The following TBXAS1 variants were observed in gnomAD, a reference collection of about 807,000 sequenced individuals.
The protein encoded by TBXAS1 is thromboxane A synthase 1, also known as thromboxane-A synthase.
TBXAS1 carries 48 observed loss-of-function variants against 60.7 expected under a neutral mutation model. The ratio of observed to expected loss-of-function variants is 0.79; its 90% CI spans 0.63 to 1.01. TBXAS1 has a LOEUF of 1.01. Ranked by LOEUF, TBXAS1 falls within the 50% of genes least tolerant of loss-of-function variation. The pLI, the probability that TBXAS1 is intolerant of heterozygous loss-of-function variation, is 0.00. For synonymous variants in TBXAS1, 287 were observed against 269.7 expected, an observed-to-expected ratio of 1.06 and a Z score of -0.63; for missense variants, 685 against 686.3, an observed-to-expected ratio of 1.00 and a Z score of 0.02.
At chr7:139,965,642 A>G (rs1019853070) in intron 9 of TBXAS1, among the ~76,000 whole-genome samples, 1 of 152,130 alleles carries the variant, frequency 6.6e-6, no homozygotes, top group Non-Finnish European at 1.5e-5. Flanking sequence ...CTTCCAAGAA[A>G]AAAAATCAGG....
intron 5 of TBXAS1, among the ~76,000 whole-genome samples, chr7:139,952,176 C>G (rs376273271): frequency 1.3e-5 from 2 of 152,130 alleles, no homozygotes; most frequent in African/African-American, 4.8e-5. Flanking sequence ...CAGATTTTGC[C>G]TCAGTACAAC....
intron 4 of TBXAS1, among the ~76,000 whole-genome samples, chr7:139,797,818 C>G (rs1435339580): frequency 6.6e-6 from 1 of 152,204 alleles, no homozygotes; most frequent in African/African-American, 2.4e-5. Context: ...GCCACACTGC[C>G]CTCAGAGTGA....
rs1295103690 is a variant in TBXAS1, at chr7:139,962,366, T to G, written c.1134+133T>G. On this transcript the variant is annotated intron_variant, in intron 9 of 12. Transcript: ENST00000448866. The stretch of plus-strand genomic sequence containing the variant: ...AGCTTATAAGATGAAATAGGGTCAT[T>G]GCTTGGCTTCTCCTGCTCTCCGGGT... 4 of 1,133,582 alleles carry G rather than the reference T, an allele frequency of 3.5e-6. No homozygotes were observed. In the East Asian group the frequency reaches 1.0e-4, roughly 29 times the overall value. 70.2% of individuals were successfully genotyped at this position (1,133,582 alleles called of 1,614,324 possible).
rs529148069 is a variant in TBXAS1 at position 139,894,714 on chromosome 7, G to C, written c.237-16511G>C. 5.9e-5 allele frequency among the ~76,000 whole-genome samples: 9 copies of C among 152,222 alleles called. No homozygotes were observed. The South Asian group carries it at 1.9e-3, about 32-fold the overall frequency. On this transcript the variant is annotated intron_variant, in intron 3 of 12. Coordinates refer to ENST00000448866, the MANE Select transcript of TBXAS1 (RefSeq NM_001061.7). Reference sequence around the variant, plus strand: ...CTTTTGCCCTTTCCCACACTCTTTGGGGGTCTATGTCCATGTCTTCCAATG... The same window carrying C: ...CTTTTGCCCTTTCCCACACTCTTTGCGGGTCTATGTCCATGTCTTCCAATG...
At chr7:139,804,715 A>T (rs1797800909) in intron 4 of TBXAS1, among the ~76,000 whole-genome samples, 2 of 152,330 alleles carry the variant, frequency 1.3e-5, no homozygotes, top group African/African-American at 4.8e-5. Flanking sequence ...ATGGTTCTAT[A>T]AACGGCAGTT....
Position 139,779,117 on chromosome 7 carries a change from T to A in TBXAS1, c.-318+646T>A, listed in dbSNP as rs1445116688. ...GTACTGGACCATGATGTCAATTTTATTTCCGTCTGTGAATCGTGGGTTTAA... is the reference window on the plus strand; with the variant it reads ...GTACTGGACCATGATGTCAATTTTAATTCCGTCTGTGAATCGTGGGTTTAA... On this transcript the variant is annotated intron_variant, in intron 1 of 16. Coordinates refer to the TBXAS1 transcript ENST00000336425. Among the ~76,000 whole-genome samples the A allele has an allele frequency of 2.0e-5, 3 of 152,372 alleles. No homozygotes were observed. The East Asian group carries it at 5.8e-4, about 29-fold the overall frequency.
At chr7:139,814,261 A>G (rs529131740) in intron 4 of TBXAS1, among the ~76,000 whole-genome samples, 1 of 152,356 alleles carries the variant, frequency 6.6e-6, no homozygotes, top group African/African-American at 2.4e-5. Context: ...AGTGTGGAGT[A>G]CATGGTTCCA....
At chr7:139,829,234 ACT>A (rs935958121), upstream of TBXAS1, 3 of 718,468 alleles carry the variant, frequency 4.2e-6, no homozygotes, top group African/African-American at 5.2e-5. Context: ...ATAGGGAGAC[ACT>A]CTGAGAAAGA....
intron 9 of TBXAS1, among the ~76,000 whole-genome samples, chr7:139,995,560 C>A (rs991795035): frequency 1.3e-5 from 2 of 152,152 alleles, no homozygotes; most frequent in Non-Finnish European, 2.9e-5. Context: ...GTGTGGCTCT[C>A]CTGTTGATGA....
At position 139,964,273 on chromosome 7, in the gene TBXAS1, C is replaced by T. The variant is rs950291757; in HGVS notation, c.1134+2040C>T. Among the ~76,000 whole-genome samples, 13 of 152,124 alleles carry T rather than the reference C, an allele frequency of 8.5e-5. No homozygotes were observed. The East Asian group carries it at 1.2e-3, about 14-fold the overall frequency. The stretch of plus-strand genomic sequence containing the variant: ...GCTAATTTTGTATTTTTAGTAGATA[C>T]GGGGTTTCACCACGTTGGTCAGGCT... On this transcript the variant is annotated intron_variant, in intron 9 of 12. Coordinates refer to ENST00000448866, the MANE Select transcript of TBXAS1 (RefSeq NM_001061.7).
At chr7:139,919,163 T>G (rs1297344792) in intron 4 of TBXAS1, among the ~76,000 whole-genome samples, 1 of 152,124 alleles carries the variant, frequency 6.6e-6, no homozygotes, top group Non-Finnish European at 1.5e-5. Context: ...TCTCAGTTGA[T>G]TATAATATAA....
chr7:139,897,836 C>A (rs918217623), intron 3 of TBXAS1, among the ~76,000 whole-genome samples: 1 of 152,192 alleles, frequency 6.6e-6, no homozygotes, highest in East Asian at 1.9e-4. Flanking sequence ...CCTGGGAAAG[C>A]AACTCCAGAC....
chr7:139,900,976 A>G (rs796716202), intron 3 of TBXAS1, among the ~76,000 whole-genome samples: 5 of 152,288 alleles, frequency 3.3e-5, no homozygotes, highest in African/African-American at 1.2e-4. Context: ...GCCCACCACC[A>G]TGACCAGAGG....
intron 4 of TBXAS1, among the ~76,000 whole-genome samples, chr7:139,823,885 T>C (rs1257237806): frequency 6.6e-6 from 1 of 152,178 alleles, no homozygotes; most frequent in Non-Finnish European, 1.5e-5. Flanking sequence ...TCTTGGTACT[T>C]GTATGGTGCT....
At position 139,783,808 on chromosome 7, in the gene TBXAS1, G is replaced by A. The variant is rs117751411; in HGVS notation, c.-169+1079G>A. On this transcript the variant is annotated intron_variant, in intron 3 of 16. Transcript: ENST00000336425. ...ACCCCTGGAGGGGCTTGACTGTCAC[G>A]GCAGAGGGCAGTTAGGACTGACTCT... 4.5e-4 allele frequency among the ~76,000 whole-genome samples: 68 copies of A among 152,250 alleles called. 1 individual carries two copies. In the East Asian group the frequency reaches 0.01, roughly 22 times the overall value.
At chr7:139,854,293 A>C (rs1316841073) in intron 1 of TBXAS1, among the ~76,000 whole-genome samples, 1 of 152,132 alleles carries the variant, frequency 6.6e-6, no homozygotes, top group Non-Finnish European at 1.5e-5. Context: ...GAGTCATGCA[A>C]GATTGCCCAA....
chr7:139,804,571 C>CT (rs1797796530), intron 4 of TBXAS1, among the ~76,000 whole-genome samples: 1 of 152,148 alleles, frequency 6.6e-6, no homozygotes, highest in Non-Finnish European at 1.5e-5. Context: ...TATGGTTTGG[C>CT]TGTGTCCCCA....
intron 3 of TBXAS1, among the ~76,000 whole-genome samples, chr7:139,899,193 G>A (rs956068877): frequency 2.6e-5 from 4 of 152,116 alleles, no homozygotes; most frequent in African/African-American, 9.7e-5. Flanking sequence ...CTAGTTAATA[G>A]AAAGACCGAC....
At chr7:139,984,633 A>AGG (rs1812217428) in intron 9 of TBXAS1, among the ~76,000 whole-genome samples, 4 of 133,138 alleles carry the variant, frequency 3.0e-5, no homozygotes, top group African/African-American at 1.2e-4. Flanking sequence ...AGAGAGAGAG[A>AGG]GAGAGAGAGA....
Sources: gnomAD v4.1 joint callset for allele counts (sites outside exome capture counted in the v4.1 genomes callset) on GRCh38, gnomAD v4.1.1 for gene constraint, MANE v1.5 for transcripts, NCBI Gene and HGNC (gene_info 2026-07-23, HGNC 2026-07-21) for gene names.